The following AKAP19 variants were observed in gnomAD, a reference collection of about 807,000 sequenced individuals.
AKAP19 encodes the protein small A-kinase anchoring protein.
the AKAP19 span, among the ~76,000 whole-genome samples, chr2:190,126,777 AC>A: frequency 2.0e-5 from 3 of 152,138 alleles, no homozygotes; most frequent in African/African-American, 7.2e-5. Context: ...TAAAAAAAAA[AC>A]AAAGTGAAGA....
chr2:190,096,007 G>A, the AKAP19 span, among the ~76,000 whole-genome samples: 1 of 152,154 alleles, frequency 6.6e-6, no homozygotes, highest in Non-Finnish European at 1.5e-5. Context: ...CTTAGACCTC[G>A]GTGGTGTGGG....
chr2:189,995,252 A>G, the AKAP19 span, among the ~76,000 whole-genome samples: 3 of 152,094 alleles, frequency 2.0e-5, no homozygotes, highest in African/African-American at 7.2e-5. Flanking sequence ...ATGTGTTGCT[A>G]TCTATCACAT....
At chr2:189,880,695 A>T in the AKAP19 span, among the ~76,000 whole-genome samples, 6 of 152,264 alleles carry the variant, frequency 3.9e-5, no homozygotes, top group South Asian at 2.1e-4. Context: ...TTTCAGCTTA[A>T]TTTTTTCCTT....
the AKAP19 span, among the ~76,000 whole-genome samples, chr2:190,081,901 A>G: frequency 6.6e-6 from 1 of 152,184 alleles, no homozygotes; most frequent in Non-Finnish European, 1.5e-5. Flanking sequence ...ACCCCAGAGA[A>G]ACTTTGAAAA....
chr2:190,184,151 G>A, the AKAP19 span, among the ~76,000 whole-genome samples: 1 of 152,110 alleles, frequency 6.6e-6, no homozygotes, highest in Non-Finnish European at 1.5e-5. Context: ...TTTATTCCTT[G>A]TAAGTTAAAA....
chr2:190,126,475 G>C, the AKAP19 span, among the ~76,000 whole-genome samples: 19 of 151,676 alleles, frequency 1.3e-4, no homozygotes, highest in African/African-American at 4.4e-4. Context: ...TCCTTGAGTA[G>C]TGCCATGATT....
chr2:190,060,306 G>A, the AKAP19 span: 2 of 1,612,912 alleles, frequency 1.2e-6, no homozygotes, highest in Non-Finnish European at 1.7e-6. Context: ...CACAAACACT[G>A]TTGTAGGAGT....
the AKAP19 span, among the ~76,000 whole-genome samples, chr2:190,116,344 G>C: frequency 6.6e-6 from 1 of 152,160 alleles, no homozygotes; most frequent in African/African-American, 2.4e-5. Context: ...AGGGGCAAGA[G>C]AGTGCATGTG....
chr2:190,013,260 G>A, the AKAP19 span, among the ~76,000 whole-genome samples: 1 of 152,078 alleles, frequency 6.6e-6, no homozygotes, highest in Non-Finnish European at 1.5e-5. Context: ...TTTGATCGGG[G>A]ACTTTTTATT....
At chr2:190,076,458 T>C in the AKAP19 span, among the ~76,000 whole-genome samples, 35 of 152,308 alleles carry the variant, frequency 2.3e-4, 1 homozygote, top group Admixed American at 1.9e-3. Context: ...TCCTTTAGCA[T>C]TTATTTTACT....
chr2:190,196,830 T>C, the AKAP19 span, among the ~76,000 whole-genome samples: 1 of 152,154 alleles, frequency 6.6e-6, no homozygotes, highest in Admixed American at 6.5e-5. Context: ...AGCTGAGTAG[T>C]TGTAACATAG....
chr2:190,148,279 T>A, the AKAP19 span, among the ~76,000 whole-genome samples: 2 of 152,238 alleles, frequency 1.3e-5, no homozygotes, highest in Non-Finnish European at 2.9e-5. Context: ...GATTTTTGTT[T>A]TCAATTCTGT....
chr2:189,975,725 C>T, the AKAP19 span, among the ~76,000 whole-genome samples: 1 of 152,114 alleles, frequency 6.6e-6, no homozygotes, highest in African/African-American at 2.4e-5. Flanking sequence ...CGCTTCATTT[C>T]ACTCATTTGA....
At chr2:190,182,786 C>A in the AKAP19 span, among the ~76,000 whole-genome samples, 1 of 152,228 alleles carries the variant, frequency 6.6e-6, no homozygotes, top group African/African-American at 2.4e-5. Flanking sequence ...CACCTCCATA[C>A]CCCGTGTGCT....
At chr2:190,191,944 A>G in the AKAP19 span, among the ~76,000 whole-genome samples, 1 of 150,572 alleles carries the variant, frequency 6.6e-6, no homozygotes, top group South Asian at 2.1e-4. Flanking sequence ...TTTTTTTTCC[A>G]GAGCAAATCT....
At chr2:190,155,196 T>G in the AKAP19 span, among the ~76,000 whole-genome samples, 2 of 152,164 alleles carry the variant, frequency 1.3e-5, no homozygotes, top group Non-Finnish European at 2.9e-5. Context: ...TAAGGAGGTA[T>G]CTGGGAACCA....
At chr2:190,034,038 A>G in the AKAP19 span, among the ~76,000 whole-genome samples, 2 of 152,166 alleles carry the variant, frequency 1.3e-5, no homozygotes. Flanking sequence ...TACATATGTA[A>G]CAAACCTGCA....
At chr2:190,138,722 C>T in the AKAP19 span, among the ~76,000 whole-genome samples, 1 of 152,178 alleles carries the variant, frequency 6.6e-6, no homozygotes, top group African/African-American at 2.4e-5. Context: ...TTTTCAGTTC[C>T]CTCCAACAGA....
chr2:190,070,446 TA>T, the AKAP19 span, among the ~76,000 whole-genome samples: 4,774 of 142,342 alleles, frequency 0.034, 159 homozygotes, highest in African/African-American at 0.092. Context: ...ACTTATAGTT[TA>T]AAAAAAAAAA....
Sources: gnomAD v4.1 joint callset for allele counts (sites outside exome capture counted in the v4.1 genomes callset) on GRCh38, gnomAD v4.1.1 for gene constraint, MANE v1.5 for transcripts, NCBI Gene and HGNC (gene_info 2026-07-23, HGNC 2026-07-21) for gene names.